RBFOX2: variants seen among roughly 807,000 people sequenced by gnomAD.
RBFOX2 encodes RNA binding protein fox-1 homolog 2.
Under a neutral mutation model 49.1 loss-of-function variants are expected in RBFOX2, and 10 were observed. That is an observed-to-expected ratio of 0.20 (90% CI 0.13 to 0.35). The LOEUF (loss-of-function observed/expected upper bound fraction) is 0.35, where lower values mean the gene tolerates loss of function less well. Ranked by LOEUF, RBFOX2 falls within the 10% of genes least tolerant of loss-of-function variation. The pLI is 1.00. For synonymous variants in RBFOX2, 183 were observed against 187.4 expected (o/e 0.98, Z 0.19); for missense variants, 323 against 486.9 (o/e 0.66, Z 3.17).
Position 35,782,388 on chromosome 22 carries a change from C to T in RBFOX2, c.253-642G>A, listed in dbSNP as rs1394935337. ...CCAGGCTCGAGTGCAGTGGTGCAATCTCGGGTCACTGCAAGCTCCACTTCC... is the reference window on the plus strand; with the variant it reads ...CCAGGCTCGAGTGCAGTGGTGCAATTTCGGGTCACTGCAAGCTCCACTTCC... On this transcript the variant is annotated intron_variant, in intron 2 of 11. Transcript: ENST00000405409. Among the ~76,000 whole-genome samples, 3 of 152,282 alleles carry T rather than the reference C, an allele frequency of 2.0e-5. No homozygotes were observed. The East Asian group carries it at 5.8e-4, about 29-fold the overall frequency.
chr22:35,746,632 C>A, intron 9 of RBFOX2, 71 bp from the exon 12 acceptor site: 2 of 934,040 alleles, frequency 2.1e-6, no homozygotes, highest in South Asian at 2.1e-5. Context: ...ACACACCCGC[C>A]CACACACAGA....
At chr22:35,987,241 T>C (rs1569519172) in intron 1 of RBFOX2, among the ~76,000 whole-genome samples, 1 of 152,242 alleles carries the variant, frequency 6.6e-6, no homozygotes. Flanking sequence ...ACTAAAATTG[T>C]GTTTGTAGAA....
At position 35,895,019 on chromosome 22, in the gene RBFOX2, G is replaced by A. The variant is rs889104756; in HGVS notation, c.-34+43828C>T. Among the ~76,000 whole-genome samples the A allele has an allele frequency of 8.9e-5, 13 of 145,922 alleles. 1 individual carries two copies. The highest frequency in any genetic ancestry group is 2.1e-4 in the Admixed American group (3 of 14,610). ...AAAAGACTGGTCTCCTCCCCCCTCC[G>A]CTCCAGCTGACTGTTCTGTTGTTCT... On this transcript the variant is annotated intron_variant, in intron 1 of 13. Transcript: ENST00000359369.
intron 3 of RBFOX2, among the ~76,000 whole-genome samples, chr22:35,780,371 A>C (rs1944874998): frequency 6.6e-6 from 1 of 151,928 alleles, no homozygotes; most frequent in Non-Finnish European, 1.5e-5. Flanking sequence ...AAACAAACAA[A>C]AAAAAAAAAC....
At position 35,810,188 on chromosome 22, in the gene RBFOX2, GACACACACAC is replaced by G. The variant is rs58254412; in HGVS notation, c.28-194_28-185del. The stretch of plus-strand genomic sequence containing the variant: ...ACACATAGATATATGTATGTGGACA[GACACACACAC>G]ACACACACACACACACACACACACA... On this transcript the variant is annotated intron_variant, in intron 1 of 11. Coordinates refer to ENST00000405409, the Ensembl canonical transcript of RBFOX2. 3.7e-3 allele frequency among the ~76,000 whole-genome samples: 534 copies of G among 142,700 alleles called. 2 individuals carry two copies. The highest frequency in any genetic ancestry group is 9.9e-3 in the African/African-American group (387 of 39,066). The allele number at this position is 142,700 out of a possible 152,430, so 93.6% of individuals were successfully genotyped here. A position where few individuals can be genotyped will look rare whatever the true frequency, so the allele number is the denominator to read the frequency against.
upstream of RBFOX2, among the ~76,000 whole-genome samples, chr22:35,939,872 C>A (rs564353557): frequency 1.3e-5 from 2 of 152,192 alleles, no homozygotes; most frequent in South Asian, 4.1e-4. Flanking sequence ...AAAAATAAGG[C>A]CCTTGCTTTC....
rs149437789 is a variant in RBFOX2 at position 35,873,218 on chromosome 22, G to A, written c.-33-63214C>T. On this transcript the variant is annotated intron_variant, in intron 1 of 13. Coordinates refer to the RBFOX2 transcript ENST00000359369. Reference sequence around the variant, plus strand: ...ATGATCTCGGCTCACTGCAACCTTCGCCTCCCCAGTTCAAGCAATTCTCAT... The same window carrying A: ...ATGATCTCGGCTCACTGCAACCTTCACCTCCCCAGTTCAAGCAATTCTCAT... Among the ~76,000 whole-genome samples the A allele has an allele frequency of 1.7e-3, 253 of 151,512 alleles. 2 individuals carry two copies. Among genetic ancestry groups the A allele is most frequent in the Non-Finnish European group, 2.8e-3 (189 of 67,912 alleles).
chr22:36,026,541 T>TACACACACACACACACACAC (rs3075271), intron 1 of RBFOX2, among the ~76,000 whole-genome samples: 2 of 136,564 alleles, frequency 1.5e-5, no homozygotes, highest in African/African-American at 2.9e-5. Flanking sequence ...AATGAATACA[T>TACACACACACACACACACAC]ACACACACAC....
intron 1 of RBFOX2, chr22:35,997,110 A>T (rs2058224562): frequency 6.6e-6 from 1 of 152,200 alleles, no homozygotes; most frequent in African/African-American, 2.4e-5. Context: ...GAGACTTAGG[A>T]AACTAATAAG....
At chr22:35,782,724 A>G (rs1368132559) in intron 2 of RBFOX2, among the ~76,000 whole-genome samples, 1 of 152,222 alleles carries the variant, frequency 6.6e-6, no homozygotes, top group Non-Finnish European at 1.5e-5. Flanking sequence ...GCCCAGAGCA[A>G]ACTGCATTGA....
At chr22:35,879,792 G>A (rs1371329330) in intron 1 of RBFOX2, among the ~76,000 whole-genome samples, 3 of 152,206 alleles carry the variant, frequency 2.0e-5, no homozygotes, top group African/African-American at 7.2e-5. Context: ...TGGAGATAGC[G>A]AGACCAGGTA....
At chr22:35,938,648 T>G (rs1254228250) in intron 1 of RBFOX2, among the ~76,000 whole-genome samples, 199 bp downstream of exon 2, 2 of 152,188 alleles carry the variant, frequency 1.3e-5, no homozygotes, top group African/African-American at 2.4e-5. Context: ...TCTTCTAATA[T>G]CCACAATTTT....
intron 1 of RBFOX2, among the ~76,000 whole-genome samples, chr22:35,863,073 G>A (rs568828821): frequency 1.1e-4 from 17 of 152,238 alleles, no homozygotes; most frequent in African/African-American, 3.9e-4. Context: ...ACTGTGTTAG[G>A]AGGAGAAAAG....
At chr22:35,919,597 T>C (rs944206802) in intron 1 of RBFOX2, among the ~76,000 whole-genome samples, 4 of 151,752 alleles carry the variant, frequency 2.6e-5, no homozygotes, top group African/African-American at 9.7e-5. Context: ...ATACTAAAAA[T>C]GTCCTAAAAC....
chr22:35,976,477 T>A (rs954832574), intron 1 of RBFOX2, among the ~76,000 whole-genome samples: 3 of 152,030 alleles, frequency 2.0e-5, no homozygotes, highest in Non-Finnish European at 4.4e-5. Flanking sequence ...CACAAATATT[T>A]CCCTTGTGTA....
At chr22:35,890,725 T>G (rs1009438859) in intron 1 of RBFOX2, among the ~76,000 whole-genome samples, 1 of 152,102 alleles carries the variant, frequency 6.6e-6, no homozygotes, top group Admixed American at 6.5e-5. Context: ...TTCTCATCTG[T>G]AAAATGAAGA....
At chr22:35,908,681 T>C (rs1035935441) in intron 1 of RBFOX2, among the ~76,000 whole-genome samples, 1 of 152,104 alleles carries the variant, frequency 6.6e-6, no homozygotes, top group African/African-American at 2.4e-5. Flanking sequence ...GAGCAATATA[T>C]ACTATTGTTA....
rs6000039 is a variant in RBFOX2, at chr22:35,931,903, G to T, written c.-34+6944C>A. On this transcript the variant is annotated intron_variant, in intron 1 of 13. Transcript: ENST00000359369. ...AAAAATCCAGCAGAAATCAATTTTG[G>T]TCAATCGTTAGTCACAATCGACAAT... Among the ~76,000 whole-genome samples the T allele has an allele frequency of 9.2e-5, 14 of 152,256 alleles. 1 individual carries two copies. The highest frequency in any genetic ancestry group is 3.4e-4 in the African/African-American group (14 of 41,540).
At chr22:35,857,500 T>C (rs142556926) in intron 1 of RBFOX2, among the ~76,000 whole-genome samples, 21 of 152,332 alleles carry the variant, frequency 1.4e-4, no homozygotes, top group East Asian at 1.2e-3. Flanking sequence ...ACACTGCTAA[T>C]ACAGACAAAT....
Sources: gnomAD v4.1 joint callset for allele counts (sites outside exome capture counted in the v4.1 genomes callset) on GRCh38, gnomAD v4.1.1 for gene constraint, MANE v1.5 for transcripts, NCBI Gene and HGNC (gene_info 2026-07-23, HGNC 2026-07-21) for gene names.